ACADS: variants seen among roughly 807,000 people sequenced by gnomAD.
The protein encoded by ACADS is short-chain specific acyl-CoA dehydrogenase, mitochondrial.
In ACADS, 28 loss-of-function variants were observed where a neutral mutation model predicts 46.8. That is an observed-to-expected ratio of 0.60 (90% CI 0.44 to 0.82). ACADS has a LOEUF of 0.82. Ranked by LOEUF, ACADS falls within the 40% of genes least tolerant of loss-of-function variation. The probability of loss-of-function intolerance (pLI) is 0.00; values close to 1 mark genes in which losing one functional copy is unlikely to be tolerated. For synonymous variants in ACADS, 236 were observed against 237.7 expected, an observed-to-expected ratio of 0.99 and a Z score of 0.07; for missense variants, 528 against 578.0, an observed-to-expected ratio of 0.91 and a Z score of 0.89.
intron 2 of ACADS, among the ~76,000 whole-genome samples, chr12:120,735,011 C>T (rs1467380099): frequency 6.6e-6 from 1 of 151,512 alleles, no homozygotes; most frequent in Non-Finnish European, 1.5e-5. Flanking sequence ...TTTGGCCTTC[C>T]AAAGTGCTGA....
chr12:120,728,987 C>T lies in ACADS; in HGVS notation c.210+1798C>T, dbSNP rs1392127012. 6.6e-6 allele frequency among the ~76,000 whole-genome samples: 1 copy of T among 152,188 alleles called. No individual in the cohort carries two copies. Among genetic ancestry groups the T allele is most frequent in the Admixed American group, 6.5e-5 (1 of 15,280 alleles). ...GTCTGGAGACCACCAGGCTCAGCCTCATCAGTGCTGTTGCCTCTTCTCAGG... is the reference window on the plus strand; with the variant it reads ...GTCTGGAGACCACCAGGCTCAGCCTTATCAGTGCTGTTGCCTCTTCTCAGG... On this transcript the variant is annotated intron_variant, in intron 2 of 9. Coordinates refer to ENST00000242592, the MANE Select transcript of ACADS (RefSeq NM_000017.4). The surrounding 1 kb of genome is among the most constrained non-coding windows in gnomAD (Gnocchi z 4.0).
chr12:120,737,273 G>C, intron 3 of ACADS, 83 bp from the exon 4 acceptor site: 1 of 1,537,572 alleles, frequency 6.5e-7, no homozygotes, highest in East Asian at 2.3e-5. Flanking sequence ...GCCCTGGACA[G>C]AACAGGCCCT....
At position 120,727,100 on chromosome 12, in the gene ACADS, T is replaced by G; in HGVS notation, c.121T>G (p.Leu41Val). The G allele has an allele frequency of 1.2e-6, 2 of 1,614,190 alleles. No homozygotes were observed. The highest frequency in any genetic ancestry group is 1.1e-5 in the South Asian group (1 of 91,076). ...SVELPETHQM[L>V]LQTCRDFAEK... ...GGAACTGCCCGAGACACACCAGATG[T>G]TGCTCCAGACATGCCGGGACTTTGC... The change falls in exon 2 of 10, where the codon TTG (leucine) becomes GTG (valine). Residue 41 changes from leucine (L) to valine (V), a missense_variant. Coordinates refer to ENST00000242592, the MANE Select transcript of ACADS (RefSeq NM_000017.4).
intron 2 of ACADS, among the ~76,000 whole-genome samples, chr12:120,734,753 A>ATTTT (rs34601782): frequency 0.047 from 6,485 of 136,874 alleles, 275 homozygotes; most frequent in South Asian, 0.1. Context: ...AAAAACAATA[A>ATTTT]TTTTTTTTTT....
chr12:120,737,190 C>T (rs555982070), intron 3 of ACADS, 55 bp downstream of exon 3: 104 of 1,550,122 alleles, frequency 6.7e-5, no homozygotes, highest in African/African-American at 4.9e-4. Context: ...CTCCCGTGAG[C>T]GGGCAGGCTC....
chr12:120,737,508 C>T (rs1303392695), intron 4 of ACADS, 41 bp downstream of exon 4: 82 of 1,545,884 alleles, frequency 5.3e-5, no homozygotes, highest in Non-Finnish European at 7.1e-5. Context: ...GGGTGACAGG[C>T]CCAGAGGGGA....
chr12:120,737,476 C>T lies in ACADS; in HGVS notation c.472+9C>T. The T allele has an allele frequency of 6.2e-7, 1 of 1,608,588 alleles. No individual in the cohort carries two copies. On this transcript the variant is annotated intron_variant, in intron 4 of 9. Transcript: ENST00000242592. ...TGCCCTCAGCGAACCAGGTACCTGCCCTGTCCCCTCACCTGTCCTTAGGGT... is the reference window on the plus strand; with the variant it reads ...TGCCCTCAGCGAACCAGGTACCTGCTCTGTCCCCTCACCTGTCCTTAGGGT...
In ACADS at chr12:120,739,710, G is replaced by C; in HGVS notation, c.*262G>C. On this transcript the variant is annotated 3_prime_UTR_variant, in exon 10 of 10. Coordinates refer to ENST00000242592, the MANE Select transcript of ACADS (RefSeq NM_000017.4). ...CTGGCCTCCTGGGGGCGGGGTTGTGGGGGGGCTGAGCGACACTCAGGGACA... is the reference window on the plus strand; with the variant it reads ...CTGGCCTCCTGGGGGCGGGGTTGTGCGGGGGCTGAGCGACACTCAGGGACA... The C allele has an allele frequency of 3.7e-6, 2 of 546,128 alleles. No individual in the cohort carries two copies. The highest frequency in any genetic ancestry group is 4.2e-5 in the South Asian group (2 of 47,962). 33.8% of individuals were successfully genotyped at this position (546,128 alleles called of 1,614,324 possible).
rs778961248 is a variant in ACADS, at chr12:120,737,372, C to A, written c.377C>A (p.Pro126His). The A allele has an allele frequency of 6.2e-7, 1 of 1,614,082 alleles. No homozygotes were observed. Among genetic ancestry groups the A allele is most frequent in the South Asian group, 1.1e-5 (1 of 91,076 alleles). The change falls in exon 4 of 10, where the codon CCC becomes CAC. Residue 126 changes from proline to histidine, a missense_variant. Pro to His is a moderately conservative substitution (Grantham distance 77). Transcript: ENST00000242592. ...MSVNNSLYLG[P>H]ILKFGSKEQK... ...TCCTCCTAGTCTCTCTACCTGGGGC[C>A]CATCTTGAAGTTTGGCTCCAAGGAG... is the stretch of plus-strand genomic sequence containing the variant.
chr12:120,738,418 G>C lies in ACADS; in HGVS notation c.763G>C (p.Gly255Arg). 1 of 1,612,762 alleles carries C rather than the reference G, an allele frequency of 6.2e-7. No individual in the cohort carries two copies. The highest frequency in any genetic ancestry group is 8.5e-7 in the Non-Finnish European group (1 of 1,180,016). The change falls in exon 6 of 10, where the codon GGG becomes CGG. Residue 255 changes from glycine (G) to arginine (R), a missense_variant. Physicochemically the swap from Gly to Arg is moderately radical, Grantham distance 125. Coordinates refer to ENST00000242592, the MANE Select transcript of ACADS (RefSeq NM_000017.4). ...TCGCATCCCCAAGGACAGCATCCTGGGGGAGCCAGGGATGGGCTTCAAGAT... is the reference window on the plus strand; with the variant it reads ...TCGCATCCCCAAGGACAGCATCCTGCGGGAGCCAGGGATGGGCTTCAAGAT... ...DCRIPKDSIL[G>R]EPGMGFKIAM...
rs753547944 is a variant in ACADS at position 120,738,809 on chromosome 12, G to T, written c.934-11G>T. The T allele has an allele frequency of 6.2e-7, 1 of 1,613,884 alleles. No homozygotes were observed. Among genetic ancestry groups the T allele is most frequent in the Admixed American group, 1.7e-5 (1 of 60,030 alleles). ...GCTGCTGACCTGTGGTGTGGGGTGG[G>T]GCTATTGCAGTTCAAGTTGGCAGAC... On this transcript the variant is annotated splice_polypyrimidine_tract_variant and intron_variant, in intron 7 of 9. Transcript: ENST00000242592.
In ACADS at chr12:120,728,272, T is replaced by C. The variant is rs1242731029; in HGVS notation, c.210+1083T>C. Among the ~76,000 whole-genome samples, 1 of 151,812 alleles carries C rather than the reference T, an allele frequency of 6.6e-6. No homozygotes were observed. The highest frequency in any genetic ancestry group is 1.5e-5 in the Non-Finnish European group (1 of 67,942). On this transcript the variant is annotated intron_variant, in intron 2 of 9. Transcript: ENST00000242592. The surrounding 1 kb of genome is among the most constrained non-coding windows in gnomAD (Gnocchi z 4.0). ...TGCTTGAACTGTTTTCTCCCCTGAG[T>C]TTCCCATCAGCGCGCTCCCTCCCGT...
At chr12:120,738,797 G>C (rs752558816) in intron 7 of ACADS, 23 bp from the exon 8 acceptor site, 98 of 1,613,562 alleles carry the variant, frequency 6.1e-5, no homozygotes, top group East Asian at 2.0e-4. Flanking sequence ...GCTGACCTGT[G>C]GTGTGGGGTG....
intron 9 of ACADS, 37 bp downstream of exon 9, chr12:120,739,233 C>T (rs1304846112): frequency 1.9e-6 from 3 of 1,612,860 alleles, no homozygotes; most frequent in African/African-American, 2.7e-5. Flanking sequence ...GGGCCAGCTG[C>T]CCCTTCTCCA....
rs894172635 is a variant in ACADS, at chr12:120,738,325, T to A, written c.670T>A (p.Leu224Met). 1 of 1,613,960 alleles carries A rather than the reference T, an allele frequency of 6.2e-7. No homozygotes were observed. Among genetic ancestry groups the A allele is most frequent in the African/African-American group, 1.3e-5 (1 of 74,894 alleles). ...CCCCATGCCAACGCCTGGGCTCACG[T>A]TGGGGAAGAAAGAAGACAAGCTGGG... ...LVPMPTPGLTLGKKEDKLGIR... is the reference protein window; with the variant it reads ...LVPMPTPGLTMGKKEDKLGIR... The change falls in exon 6 of 10, where the codon TTG becomes ATG. Residue 224 changes from leucine (L) to methionine (M), a missense_variant. Physicochemically the swap from Leu to Met is conservative, Grantham distance 15 (BLOSUM62 2). Transcript: ENST00000242592.
intron 4 of ACADS, 92 bp downstream of exon 4, chr12:120,737,559 G>T (rs1428217644): frequency 5.5e-6 from 7 of 1,263,614 alleles, no homozygotes; most frequent in African/African-American, 1.5e-5. Flanking sequence ...TGCTTCGGAG[G>T]CCAGAGGGGA....
Position 120,739,474 on chromosome 12 carries a change from G to T in ACADS, c.*26G>T, listed in dbSNP as rs779933328. ...GCCCGCGGCGGACTGCCCCAGGACTGCGGGAAGGCGCGGGAGCCAGGGGCC... is the reference window on the plus strand; with the variant it reads ...GCCCGCGGCGGACTGCCCCAGGACTTCGGGAAGGCGCGGGAGCCAGGGGCC... On this transcript the variant is annotated 3_prime_UTR_variant, in exon 10 of 10. Transcript: ENST00000242592. 4 of 1,594,730 alleles carry T rather than the reference G, an allele frequency of 2.5e-6. No individual in the cohort carries two copies. Among genetic ancestry groups the T allele is most frequent in the Non-Finnish European group, 3.4e-6 (4 of 1,175,154 alleles).
chr12:120,725,943 G>A lies in ACADS; in HGVS notation c.46+12G>A. The stretch of plus-strand genomic sequence containing the variant: ...CCCTGCCCGCAGAGGTGAGTGCGCT[G>A]GGGATCCGTACGGCGGGGCTTCAGC... On this transcript the variant is annotated intron_variant, in intron 1 of 9. Transcript: ENST00000242592. 1 of 1,542,178 alleles carries A rather than the reference G, an allele frequency of 6.5e-7. No individual in the cohort carries two copies. The highest frequency in any genetic ancestry group is 8.7e-7 in the Non-Finnish European group (1 of 1,153,880).
At chr12:120,738,237 G>A (rs368902091) in intron 5 of ACADS, 43 bp from the exon 6 acceptor site, 588 of 1,613,566 alleles carry the variant, frequency 3.6e-4, no homozygotes, top group Non-Finnish European at 4.9e-4. Flanking sequence ...TGAGGGTGTG[G>A]CTGAGGGGCA....
Sources: allele counts gnomAD v4.1 joint callset (sites outside exome capture counted in the v4.1 genomes callset), GRCh38; gene constraint gnomAD v4.1.1; non-coding constraint Gnocchi (gnomAD v3.1); transcripts MANE v1.5; gene names NCBI Gene and HGNC (gene_info 2026-07-23, HGNC 2026-07-21).